RSRP1: variants seen among roughly 807,000 people sequenced by gnomAD.
RSRP1 encodes arginine/serine-rich protein 1.
In RSRP1, 37 loss-of-function variants were observed where a neutral mutation model predicts 33.0. The observed-to-expected ratio is 1.12, with a 90% confidence interval of 0.86 to 1.48. RSRP1 has a LOEUF of 1.48. Ranked by LOEUF, RSRP1 falls within the 40% of genes most tolerant of loss-of-function variation. RSRP1 has a pLI of 0.00. For synonymous variants in RSRP1, 167 were observed against 158.7 expected, an observed-to-expected ratio of 1.05 and a Z score of -0.40; for missense variants, 402 against 385.3, an observed-to-expected ratio of 1.04 and a Z score of -0.36.
chr1:25,258,130 T>C (rs983574514), intron 1 of RSRP1, among the ~76,000 whole-genome samples: 3 of 152,168 alleles, frequency 2.0e-5, no homozygotes, highest in African/African-American at 7.2e-5. Context: ...AACATATGCT[T>C]TGCTTAAACA....
At chr1:25,319,525 G>C (rs1644585062) in intron 1 of RSRP1, among the ~76,000 whole-genome samples, 1 of 132,092 alleles carries the variant, frequency 7.6e-6, no homozygotes, top group Non-Finnish European at 1.8e-5. Context: ...GGGAGGATCA[G>C]TTGAGCTTGG....
intron 1 of RSRP1, among the ~76,000 whole-genome samples, chr1:25,300,410 G>T (rs970782177): frequency 1.5e-5 from 2 of 129,624 alleles, no homozygotes; most frequent in African/African-American, 5.3e-5. Flanking sequence ...TACTCAGGAG[G>T]CTGAGGTGGG....
chr1:25,254,067 C>T (rs1400828479), intron 1 of RSRP1: 2 of 152,222 alleles, frequency 1.3e-5, no homozygotes, highest in African/African-American at 2.4e-5. Flanking sequence ...GCTACAGTCA[C>T]CAGTAAAGCA....
Position 25,333,017 on chromosome 1 carries a change from C to A in RSRP1, c.-67+4961G>T, listed in dbSNP as rs370165486. Among the ~76,000 whole-genome samples the A allele has an allele frequency of 3.0e-5, 4 of 131,458 alleles. 1 individual carries two copies. Among genetic ancestry groups the A allele is most frequent in the East Asian group, 2.0e-4 (1 of 5,102 alleles). 86.2% of individuals were successfully genotyped at this position (131,458 alleles called of 152,430 possible). ...TAGCCCAAAGGCCTTAGAACCCCAG[C>A]GGTGACGGAAAGGCTGGTGTAGGTC... On this transcript the variant is annotated intron_variant, in intron 1 of 1. Coordinates refer to the RSRP1 transcript ENST00000561867.
At chr1:25,298,933 G>A (rs1643153208) in intron 1 of RSRP1, among the ~76,000 whole-genome samples, 1 of 129,130 alleles carries the variant, frequency 7.7e-6, no homozygotes. Context: ...CTTATCAAGA[G>A]GGTGATTTTT....
chr1:25,261,640 G>A (rs973967032), intron 1 of RSRP1, among the ~76,000 whole-genome samples: 8 of 149,908 alleles, frequency 5.3e-5, no homozygotes, highest in East Asian at 3.9e-4. Flanking sequence ...TCCTGACCTC[G>A]TGATCCACCT....
Position 25,274,963 on chromosome 1 carries a change from A to G in RSRP1, c.-66-27934T>C, listed in dbSNP as rs143507763. ...ACTTCATCTCAAAAAACCAAACAAC[A>G]AAAACAACAACAAGAACAACAAAAA... On this transcript the variant is annotated intron_variant, in intron 1 of 1. Coordinates refer to the RSRP1 transcript ENST00000561867. 4.5e-3 allele frequency among the ~76,000 whole-genome samples: 590 copies of G among 131,990 alleles called. 88 individuals carry two copies. Among genetic ancestry groups the G allele is most frequent in the African/African-American group, 0.013 (497 of 38,804 alleles). 86.6% of individuals were successfully genotyped at this position (131,990 alleles called of 152,430 possible).
upstream of RSRP1, among the ~76,000 whole-genome samples, chr1:25,251,889 T>C (rs1287403748): frequency 2.0e-5 from 3 of 150,866 alleles, no homozygotes; most frequent in Non-Finnish European, 2.9e-5. Flanking sequence ...TACCCACATA[T>C]AGATTTTTTT....
intron 1 of RSRP1, among the ~76,000 whole-genome samples, chr1:25,283,137 G>A (rs1486028493): frequency 7.6e-6 from 1 of 132,360 alleles, no homozygotes; most frequent in Non-Finnish European, 1.8e-5. Context: ...TAATGAAGGA[G>A]TATGATCATT....
In RSRP1 at chr1:25,280,328, T is replaced by C. The variant is rs781638579; in HGVS notation, c.-66-33299A>G. ...CATCTCTTTTTTTTTTTTTTTGAGC[T>C]GCAGTCTCACTCTGTCATCCAGGCT... is the stretch of plus-strand genomic sequence containing the variant. On this transcript the variant is annotated intron_variant, in intron 1 of 1. Transcript: ENST00000561867. 4.3e-4 allele frequency among the ~76,000 whole-genome samples: 52 copies of C among 119,840 alleles called. 15 individuals are homozygous for C. The highest frequency in any genetic ancestry group is 2.3e-3 in the South Asian group (9 of 3,946). The allele number at this position is 119,840 out of a possible 152,430, so 78.6% of individuals were successfully genotyped here.
chr1:25,245,594 C>T (rs1639308960), intron 2 of RSRP1, among the ~76,000 whole-genome samples: 1 of 152,120 alleles, frequency 6.6e-6, no homozygotes, highest in Non-Finnish European at 1.5e-5. Context: ...ACCAATCCCC[C>T]GAGTGAACAG....
chr1:25,300,846 C>A, intron 1 of RSRP1: 2 of 1,240,394 alleles, frequency 1.6e-6, no homozygotes, highest in Non-Finnish European at 2.3e-6. Flanking sequence ...CTTCAAGTCA[C>A]ACCTCCTAAG....
chr1:25,244,057 G>GC (rs1639133078), intron 3 of RSRP1: 8 of 1,099,286 alleles, frequency 7.3e-6, no homozygotes, highest in South Asian at 1.6e-5. Context: ...TTTAGATACA[G>GC]CATTTTTTTT....
At chr1:25,256,079 A>G (rs1639938717) in intron 1 of RSRP1, among the ~76,000 whole-genome samples, 1 of 151,648 alleles carries the variant, frequency 6.6e-6, no homozygotes. Flanking sequence ...CGTTGTTCCC[A>G]TGTTCAGCAA....
At position 25,276,431 on chromosome 1, in the gene RSRP1, A is replaced by G. The variant is rs1302979138; in HGVS notation, c.-66-29402T>C. ...AATAGTTAATTAAAAAAAAAAAAAA[A>G]CACCCTGGCTGAGCATTTAGGGAGG... On this transcript the variant is annotated intron_variant, in intron 1 of 1. Coordinates refer to the RSRP1 transcript ENST00000561867. Among the ~76,000 whole-genome samples the G allele has an allele frequency of 1.6e-5, 2 of 123,332 alleles. 1 individual carries two copies. Among genetic ancestry groups the G allele is most frequent in the African/African-American group, 5.7e-5 (2 of 34,932 alleles). The allele number at this position is 123,332 out of a possible 152,430, so 80.9% of individuals were successfully genotyped here.
upstream of RSRP1, among the ~76,000 whole-genome samples, chr1:25,251,827 T>C (rs184198157): frequency 2.6e-5 from 4 of 152,276 alleles, no homozygotes; most frequent in African/African-American, 9.6e-5. Context: ...ATAACCAATG[T>C]TAACAGTTTA....
At chr1:25,258,775 C>G (rs1374178465) in intron 1 of RSRP1, among the ~76,000 whole-genome samples, 2 of 152,008 alleles carry the variant, frequency 1.3e-5, no homozygotes, top group Non-Finnish European at 2.9e-5. Context: ...TGGAACCAAA[C>G]AATGAAATAA....
In RSRP1 at chr1:25,294,297, T is replaced by C. The variant is rs1571639763; in HGVS notation, c.-67+43681A>G. ...GGCAGCTTTCTGCGAGGCATCCCCATGAACATAATCAGTAACAACTTGTCC... is the reference window on the plus strand; with the variant it reads ...GGCAGCTTTCTGCGAGGCATCCCCACGAACATAATCAGTAACAACTTGTCC... On this transcript the variant is annotated intron_variant, in intron 1 of 1. Coordinates refer to the RSRP1 transcript ENST00000561867. 13 of 1,241,766 alleles carry C rather than the reference T, an allele frequency of 1.0e-5. 1 individual carries two copies. The East Asian group carries it at 2.9e-4, about 28-fold the overall frequency. 76.9% of individuals were successfully genotyped at this position (1,241,766 alleles called of 1,614,324 possible).
At position 25,268,536 on chromosome 1, in the gene RSRP1, A is replaced by T. The variant is rs1279675540; in HGVS notation, c.-66-21507T>A. Among the ~76,000 whole-genome samples, 4 of 131,150 alleles carry T rather than the reference A, an allele frequency of 3.0e-5. 1 individual carries two copies. Among genetic ancestry groups the T allele is most frequent in the Non-Finnish European group, 7.2e-5 (4 of 55,316 alleles). 86.0% of individuals were successfully genotyped at this position (131,150 alleles called of 152,430 possible). On this transcript the variant is annotated intron_variant, in intron 1 of 1. Transcript: ENST00000561867. ...GTCTAAAAAAAAAACCTAAATACAC[A>T]AGTAAAAATATAGACCTCGTCAGAT...
Sources: gnomAD v4.1 joint callset for allele counts (sites outside exome capture counted in the v4.1 genomes callset) on GRCh38, gnomAD v4.1.1 for gene constraint, MANE v1.5 for transcripts, NCBI Gene and HGNC (gene_info 2026-07-23, HGNC 2026-07-21) for gene names.